TEX35: variants seen among roughly 807,000 people sequenced by gnomAD.
The protein encoded by TEX35 is testis-expressed protein 35.
TEX35 carries 26 observed loss-of-function variants against 31.9 expected under a neutral mutation model. The ratio of observed to expected loss-of-function variants is 0.81; its 90% CI spans 0.60 to 1.13. The LOEUF is 1.13. TEX35 is among the 50% of genes most tolerant of loss of function. TEX35 has a pLI of 0.00. For missense variants in TEX35, 278 were observed against 273.5 expected (o/e 1.02, Z -0.12); for synonymous variants, 87 against 90.7 (o/e 0.96, Z 0.23).
chr1:178,520,640 A>G lies in TEX35; in HGVS notation c.342-33A>G, dbSNP rs74129232. ...TGTCATGCTGCAAAATGTCTCCCCA[A>G]CTCTCTGCCCCTCCCTGGCCCTCCT... On this transcript the variant is annotated intron_variant, in intron 6 of 8. Transcript: ENST00000319416. 5.3e-3 allele frequency: 8,493 copies of G among 1,607,208 alleles called. 309 individuals are homozygous for G. In the African/African-American group the frequency reaches 0.09, roughly 17 times the overall value.
intron 5 of TEX35, among the ~76,000 whole-genome samples, chr1:178,518,610 G>A (rs564249841): frequency 6.6e-6 from 1 of 151,988 alleles, no homozygotes; most frequent in Non-Finnish European, 1.5e-5. Flanking sequence ...TCTCAGCTAG[G>A]TTAAAAAAAA....
chr1:178,518,646 G>A (rs184453741), intron 5 of TEX35, among the ~76,000 whole-genome samples: 1 of 152,180 alleles, frequency 6.6e-6, no homozygotes, highest in East Asian at 1.9e-4. Flanking sequence ...AAAAAAGACT[G>A]GAAAGAAATA....
chr1:178,521,214 C>T lies in TEX35; in HGVS notation c.544-8C>T. 3.1e-6 allele frequency: 5 copies of T among 1,614,226 alleles called. No homozygotes were observed. The highest frequency in any genetic ancestry group is 4.2e-6 in the Non-Finnish European group (5 of 1,180,036). On this transcript the variant is annotated splice_polypyrimidine_tract_variant and splice_region_variant and intron_variant, in intron 7 of 8. Transcript: ENST00000319416. ...TGATCTTTCTTGTGCCGTTTCTGTC[C>T]TCTGCAGGAGAAATGTTTGTTGTGT...
intron 5 of TEX35, among the ~76,000 whole-genome samples, chr1:178,519,081 G>A (rs533053324): frequency 7.5e-4 from 114 of 152,286 alleles, no homozygotes; most frequent in Non-Finnish European, 1.3e-3. Flanking sequence ...TCTGGGAGGA[G>A]CACTTCAAAA....
At chr1:178,513,903 A>G in intron 1 of TEX35, 124 bp from the exon 2 acceptor site, 1 of 1,118,062 alleles carries the variant, frequency 8.9e-7, no homozygotes. Context: ...AGCTCAAGCC[A>G]GTTGGACAGG....
intron 5 of TEX35, among the ~76,000 whole-genome samples, chr1:178,520,163 G>A (rs1650211560): frequency 6.6e-6 from 1 of 152,140 alleles, no homozygotes; most frequent in African/African-American, 2.4e-5. Flanking sequence ...GTCCCCTAAT[G>A]TCTCTGCCTG....
rs1650321143 is a variant in TEX35, at chr1:178,522,433, G to A, written c.695G>A (p.Gly232Glu). 1 of 1,596,418 alleles carries A rather than the reference G, an allele frequency of 6.3e-7. No individual in the cohort carries two copies. The highest frequency in any genetic ancestry group is 8.5e-7 in the Non-Finnish European group (1 of 1,170,152). ...AVPAPKSQTE[G>E]R ...CCTGCCCCAAAGTCCCAGACTGAGG[G>A]AAGGTGAAGCTTAACTGCCAGCTTG... is the stretch of plus-strand genomic sequence containing the variant. Residue 232 changes from glycine (G) to glutamate (E), a missense_variant, in exon 9 of 9, where the codon GGA (glycine) becomes GAA (glutamate). Transcript: ENST00000319416.
chr1:178,522,282 T>C lies in TEX35; in HGVS notation c.587-43T>C, dbSNP rs962589696. 3 of 1,533,496 alleles carry C rather than the reference T, an allele frequency of 2.0e-6. No individual in the cohort carries two copies. The African/African-American group carries it at 4.1e-5, about 21-fold the overall frequency. The allele number at this position is 1,533,496 out of a possible 1,614,324, so 95.0% of individuals were successfully genotyped here. A position where few individuals can be genotyped will look rare whatever the true frequency, so the allele number is the denominator to read the frequency against. On this transcript the variant is annotated intron_variant, in intron 8 of 8. Transcript: ENST00000319416. ...CTTGGGTTCTGGGGATCCACCCTTC[T>C]CACCCCCTTGAAGGTTTCCTCTCCC...
intron 3 of TEX35, among the ~76,000 whole-genome samples, chr1:178,515,073 C>G (rs1650026148): frequency 6.6e-6 from 1 of 152,138 alleles, no homozygotes; most frequent in East Asian, 1.9e-4. Context: ...TGGAACAGAA[C>G]AGTTCTTTTT....
At chr1:178,522,857 T>C (rs557081268), downstream of TEX35, among the ~76,000 whole-genome samples, 2 of 152,204 alleles carry the variant, frequency 1.3e-5, no homozygotes, top group Non-Finnish European at 2.9e-5. Context: ...TGTACAGTTA[T>C]TGACTGTAGT....
In TEX35 at chr1:178,522,462, T is replaced by C; in HGVS notation, c.*22T>C. On this transcript the variant is annotated 3_prime_UTR_variant, in exon 9 of 9. Transcript: ENST00000319416. ...GTGAAGCTTAACTGCCAGCTTGAAA[T>C]GAGAGTAAAGAAGATACAGAGCAAA... is the stretch of plus-strand genomic sequence containing the variant. The C allele has an allele frequency of 6.4e-7, 1 of 1,568,896 alleles. No individual in the cohort carries two copies. The highest frequency in any genetic ancestry group is 8.7e-7 in the Non-Finnish European group (1 of 1,154,914).
chr1:178,515,179 C>T (rs1385775243), intron 3 of TEX35, among the ~76,000 whole-genome samples: 1 of 152,160 alleles, frequency 6.6e-6, no homozygotes, highest in African/African-American at 2.4e-5. Flanking sequence ...ATGATCTAGG[C>T]TCACTGCAAC....
chr1:178,515,972 C>T (rs1225639033), intron 4 of TEX35, 57 bp downstream of exon 4: 1 of 1,384,978 alleles, frequency 7.2e-7, no homozygotes. Context: ...AGGAAAAATG[C>T]AATCCTTAAG....
chr1:178,522,650 C>T lies in TEX35; in HGVS notation c.*210C>T. On this transcript the variant is annotated 3_prime_UTR_variant, in exon 9 of 9. Coordinates refer to ENST00000319416, the MANE Select transcript of TEX35 (RefSeq NM_032126.5). ...CATCTAATAAATAATTGGCCAAGTT[C>T]TTTTTTTTTGGAATTTTATTATTAT... 1.2e-5 allele frequency: 14 copies of T among 1,200,494 alleles called. No individual in the cohort carries two copies. Among genetic ancestry groups the T allele is most frequent in the South Asian group, 6.2e-5 (2 of 32,446 alleles). The allele number at this position is 1,200,494 out of a possible 1,614,324, so 74.4% of individuals were successfully genotyped here. A position where few individuals can be genotyped will look rare whatever the true frequency, so the allele number is the denominator to read the frequency against.
intron 5 of TEX35, 139 bp from the exon 6 acceptor site, chr1:178,520,233 C>A: frequency 1.3e-6 from 1 of 743,700 alleles, no homozygotes; most frequent in Non-Finnish European, 2.2e-6. Flanking sequence ...ATGTCACGGA[C>A]ACTCCAAAAG....
In TEX35 at chr1:178,513,212, GA is replaced by G. The variant is rs745851053; in HGVS notation, c.26del (p.Lys9ArgfsTer5). MSAKRAEL[K>X]KTHLSKNYKA... is the part of the protein sequence containing the mutation. The stretch of plus-strand genomic sequence containing the variant: ...TCATGTCGGCCAAGAGGGCAGAATT[GA>G]AGAAAACACATCTGGTAAAAGAGAG... On this transcript the variant is annotated frameshift_variant, in exon 1 of 9. Coordinates refer to ENST00000319416, the MANE Select transcript of TEX35 (RefSeq NM_032126.5). LOFTEE classifies it high-confidence loss of function. The G allele has an allele frequency of 5.2e-5, 84 of 1,614,234 alleles. No homozygotes were observed. Among genetic ancestry groups the G allele is most frequent in the Admixed American group, 1.8e-4 (11 of 60,026 alleles).
rs1454330474 is a variant in TEX35 at position 178,516,628 on chromosome 1, T to A, written c.230T>A (p.Met77Lys). ...MEEIKQIKDL[M>K]DKDFDKLHEF... is the part of the protein sequence containing the mutation. Reference sequence around the variant, plus strand: ...CTTCCTTGTTAGATAAAGGATCTAATGGACAAGGATTTTGATAAACTTCAC... The same window carrying A: ...CTTCCTTGTTAGATAAAGGATCTAAAGGACAAGGATTTTGATAAACTTCAC... The change falls in exon 5 of 9, where the codon ATG becomes AAG. Residue 77 changes from methionine to lysine, a missense_variant. By Grantham distance (95) the Met-to-Lys change is moderately conservative. Transcript: ENST00000319416. 6.2e-7 allele frequency: 1 copy of A among 1,613,734 alleles called. No individual in the cohort carries two copies. The highest frequency in any genetic ancestry group is 8.5e-7 in the Non-Finnish European group (1 of 1,179,720).
At chr1:178,521,632 C>T (rs540657077) in intron 8 of TEX35, 1 of 1,552,212 alleles carries the variant, frequency 6.4e-7, no homozygotes, top group East Asian at 2.4e-5. Flanking sequence ...TTTATCTGTA[C>T]CTCAACCCCG....
chr1:178,519,507 C>T (rs1228136710), intron 5 of TEX35, among the ~76,000 whole-genome samples: 1 of 152,088 alleles, frequency 6.6e-6, no homozygotes, highest in Non-Finnish European at 1.5e-5. Flanking sequence ...GATATTTTGA[C>T]TCTATGAATA....
Sources: allele counts gnomAD v4.1 joint callset (sites outside exome capture counted in the v4.1 genomes callset), GRCh38; gene constraint gnomAD v4.1.1; transcripts MANE v1.5; gene names NCBI Gene and HGNC (gene_info 2026-07-23, HGNC 2026-07-21).